The following NETO1 variants were observed in gnomAD, a reference collection of about 807,000 sequenced individuals.
NETO1 encodes neuropilin and tolloid like 1.
Under a neutral mutation model 61.3 loss-of-function variants are expected in NETO1, and 26 were observed. The ratio of observed to expected loss-of-function variants is 0.42; its 90% CI spans 0.31 to 0.59. The LOEUF (loss-of-function observed/expected upper bound fraction) is 0.59, where lower values mean the gene tolerates loss of function less well. Among genes scored for constraint, NETO1 ranks in the 20% least tolerant of loss-of-function variants. The pLI is 0.12. For missense variants in NETO1, 531 were observed against 662.8 expected (o/e 0.80, Z 2.18); for synonymous variants, 225 against 225.8 (o/e 1.00, Z 0.03).
chr18:72,783,594 T>G, intron 7 of NETO1, 84 bp downstream of exon 7: 1 of 1,140,820 alleles, frequency 8.8e-7, no homozygotes, highest in Non-Finnish European at 1.3e-6. Flanking sequence ...GCTCACTGTG[T>G]GAAGAAAACA....
chr18:72,793,376 T>A (rs886232434), intron 6 of NETO1, among the ~76,000 whole-genome samples: 1 of 152,182 alleles, frequency 6.6e-6, no homozygotes, highest in Non-Finnish European at 1.5e-5. Flanking sequence ...ATAAACAGAA[T>A]CACCATAGTT....
intron 4 of NETO1, among the ~76,000 whole-genome samples, chr18:72,832,414 T>C (rs2073611593): frequency 2.0e-5 from 3 of 152,166 alleles, no homozygotes; most frequent in Admixed American, 2.0e-4. Context: ...TTTTTCCCCC[T>C]CAGTGATATA....
intron 4 of NETO1, among the ~76,000 whole-genome samples, chr18:72,835,630 C>A (rs890691288): frequency 6.6e-6 from 1 of 152,070 alleles, no homozygotes; most frequent in South Asian, 2.1e-4. Context: ...GTTTGGTGAG[C>A]CCGAAGTTGG....
chr18:72,763,635 C>T (rs1457209413), intron 7 of NETO1, among the ~76,000 whole-genome samples: 1 of 151,926 alleles, frequency 6.6e-6, no homozygotes, highest in Non-Finnish European at 1.5e-5. Context: ...CTCACACATT[C>T]AAACACAGTC....
At chr18:72,842,205 T>C (rs2073955939) in intron 4 of NETO1, among the ~76,000 whole-genome samples, 1 of 152,180 alleles carries the variant, frequency 6.6e-6, no homozygotes. Context: ...AATTATTACC[T>C]CAGTATTTGA....
intron 6 of NETO1, among the ~76,000 whole-genome samples, chr18:72,788,088 A>G (rs1339882874): frequency 6.6e-6 from 1 of 152,148 alleles, no homozygotes; most frequent in Non-Finnish European, 1.5e-5. Context: ...TATTGGCCCT[A>G]TATTTTTTTC....
intron 4 of NETO1, among the ~76,000 whole-genome samples, chr18:72,841,301 GT>G (rs2073922548): frequency 6.6e-6 from 1 of 152,128 alleles, no homozygotes; most frequent in Non-Finnish European, 1.5e-5. Flanking sequence ...TCTGAGACCA[GT>G]CTATAAACAG....
At chr18:72,846,447 G>A (rs2074086987) in intron 4 of NETO1, among the ~76,000 whole-genome samples, 1 of 125,632 alleles carries the variant, frequency 8.0e-6, no homozygotes, top group Non-Finnish European at 1.6e-5. Flanking sequence ...GGAGGTTGCA[G>A]TGAACCAAGA....
rs2070464508 is a variant in NETO1, at chr18:72,747,829, A to T, written c.*350T>A. On this transcript the variant is annotated 3_prime_UTR_variant, in exon 11 of 11. Coordinates refer to ENST00000327305, the MANE Select transcript of NETO1 (RefSeq NM_138966.5). ...TTCACATATCACACAATGTACAATTATATAACAAAGACATAAAACAACATA... is the reference window on the plus strand; with the variant it reads ...TTCACATATCACACAATGTACAATTTTATAACAAAGACATAAAACAACATA... 1 of 152,138 alleles carries T rather than the reference A, an allele frequency of 6.6e-6. No individual in the cohort carries two copies. Among genetic ancestry groups the T allele is most frequent in the Non-Finnish European group, 1.5e-5 (1 of 67,990 alleles). 9.4% of individuals were successfully genotyped at this position (152,138 alleles called of 1,614,324 possible). A position where few individuals can be genotyped will look rare whatever the true frequency, so the allele number is the denominator to read the frequency against.
intron 8 of NETO1, among the ~76,000 whole-genome samples, chr18:72,755,090 G>T (rs2070743037): frequency 6.6e-6 from 1 of 152,156 alleles, no homozygotes; most frequent in African/African-American, 2.4e-5. Context: ...TTTGTTGCAT[G>T]TCAAATATTT....
At chr18:72,804,209 T>C (rs1391273483) in intron 4 of NETO1, among the ~76,000 whole-genome samples, 1 of 152,192 alleles carries the variant, frequency 6.6e-6, no homozygotes, top group Non-Finnish European at 1.5e-5. Context: ...CATTTTGAGT[T>C]CTTCAATAGT....
At chr18:72,788,309 A>T (rs1048038360) in intron 6 of NETO1, among the ~76,000 whole-genome samples, 1 of 152,148 alleles carries the variant, frequency 6.6e-6, no homozygotes, top group African/African-American at 2.4e-5. Flanking sequence ...GATGGCAATG[A>T]TTTTTTATCA....
In NETO1 at chr18:72,867,505, G is replaced by GC. The variant is rs1190052747; in HGVS notation, c.-215dup. On this transcript the variant is annotated 5_prime_UTR_variant, in exon 1 of 11. It removes the in-frame stop codon of an upstream open reading frame in the 5' UTR. Transcript: ENST00000327305. ...TGAGTCCGTCCTCCGCCCCGGGCGG[G>GC]CTCTCGCTCTCGCTGGCCCTCAGCG... is the stretch of plus-strand genomic sequence containing the variant. The GC allele has an allele frequency of 2.6e-6, 1 of 391,148 alleles. No individual in the cohort carries two copies. The highest frequency in any genetic ancestry group is 4.5e-6 in the Non-Finnish European group (1 of 221,344). The allele number at this position is 391,148 out of a possible 1,614,324, so 24.2% of individuals were successfully genotyped here. A position where few individuals can be genotyped will look rare whatever the true frequency, so the allele number is the denominator to read the frequency against.
At chr18:72,771,065 AT>A (rs1186952395) in intron 7 of NETO1, among the ~76,000 whole-genome samples, 1 of 152,132 alleles carries the variant, frequency 6.6e-6, no homozygotes, top group Non-Finnish European at 1.5e-5. Context: ...ATAATTTATA[AT>A]TTTTTCCCTT....
chr18:72,750,737 G>A, intron 8 of NETO1, 117 bp from the exon 9 acceptor site: 6 of 642,210 alleles, frequency 9.3e-6, no homozygotes, highest in East Asian at 2.8e-5. Context: ...GCTGAGCACA[G>A]AATTTTTACA....
At position 72,750,152 on chromosome 18, in the gene NETO1, T is replaced by C. The variant is rs1166468444; in HGVS notation, c.1451A>G (p.Gln484Arg). ...TATGTCACAGGCATCTGCAGCATCT[T>C]GCGAGTAGCTGTGTTTCATGACAAG... ...NILVMKHSYSQDAADACDIDE... is the reference protein window; with the variant it reads ...NILVMKHSYSRDAADACDIDE... The change falls in exon 9 of 11, where the codon CAA becomes CGA. Residue 484 changes from glutamine to arginine, a missense_variant. By Grantham distance (43) the Gln-to-Arg change is conservative. Transcript: ENST00000327305. 1 of 1,613,990 alleles carries C rather than the reference T, an allele frequency of 6.2e-7. No individual in the cohort carries two copies. The highest frequency in any genetic ancestry group is 2.2e-5 in the East Asian group (1 of 44,862).
intron 7 of NETO1, among the ~76,000 whole-genome samples, chr18:72,775,557 T>C (rs1394410630): frequency 6.6e-6 from 1 of 152,228 alleles, no homozygotes; most frequent in Non-Finnish European, 1.5e-5. Flanking sequence ...AAGCACAGTA[T>C]GTAGGCATAA....
intron 1 of NETO1, chr18:72,866,777 G>A: frequency 7.0e-6 from 7 of 993,578 alleles, no homozygotes; most frequent in Non-Finnish European, 8.4e-6. Flanking sequence ...CTCCAGGGCG[G>A]AAAGGGGTGG....
rs145991165 is a variant in NETO1, at chr18:72,756,746, T to G, written c.869-599A>C. 5.6e-3 allele frequency among the ~76,000 whole-genome samples: 859 copies of G among 152,196 alleles called. 6 individuals carry two copies. The highest frequency in any genetic ancestry group is 0.02 in the African/African-American group (822 of 41,550). ...ATAAAATTAGCTTACTACGCATGTA[T>G]TTCATACATTCTAGTGATTTGATGT... On this transcript the variant is annotated intron_variant, in intron 7 of 10. Transcript: ENST00000327305.
Sources: gnomAD v4.1 joint callset for allele counts (sites outside exome capture counted in the v4.1 genomes callset) on GRCh38, gnomAD v4.1.1 for gene constraint, MANE v1.5 for transcripts, NCBI Gene and HGNC (gene_info 2026-07-23, HGNC 2026-07-21) for gene names.